Variants in CREB5 observed in about 807,000 individuals in gnomAD.
CREB5 encodes cyclic AMP-responsive element-binding protein 5.
In CREB5, 19 loss-of-function variants were observed where a neutral mutation model predicts 57.1. The ratio of observed to expected loss-of-function variants is 0.33; its 90% CI spans 0.23 to 0.49. CREB5 has a LOEUF of 0.49. CREB5 is among the 20% of genes least tolerant of loss of function. CREB5 has a pLI of 0.99. For missense variants in CREB5, 579 were observed against 671.6 expected (o/e 0.86, Z 1.52); for synonymous variants, 238 against 238.3 (o/e 1.00, Z 0.01).
At chr7:28,557,360 C>T (rs959457563) in intron 4 of CREB5, among the ~76,000 whole-genome samples, 6 of 151,910 alleles carry the variant, frequency 3.9e-5, no homozygotes, top group Non-Finnish European at 7.4e-5. Flanking sequence ...GGATTATATA[C>T]GAAAATGAAT....
intron 9 of CREB5, among the ~76,000 whole-genome samples, chr7:28,817,721 G>A (rs1343123634): frequency 6.6e-6 from 1 of 152,088 alleles, no homozygotes; most frequent in Non-Finnish European, 1.5e-5. Flanking sequence ...ATCTTATAAC[G>A]AGGTTGCTGG....
chr7:28,785,227 T>C (rs1807249867), intron 7 of CREB5, among the ~76,000 whole-genome samples: 1 of 152,212 alleles, frequency 6.6e-6, no homozygotes, highest in African/African-American at 2.4e-5. Context: ...TCACCGGGGT[T>C]GGGAAGCATC....
At chr7:28,647,105 G>A (rs910925794) in intron 5 of CREB5, among the ~76,000 whole-genome samples, 2 of 151,814 alleles carry the variant, frequency 1.3e-5, no homozygotes, top group East Asian at 2.0e-4. Context: ...ATTAGCCAGA[G>A]ACTGGAGGGA....
chr7:28,590,612 C>G (rs62449928), intron 5 of CREB5, among the ~76,000 whole-genome samples: 2 of 151,048 alleles, frequency 1.3e-5, no homozygotes, highest in South Asian at 4.2e-4. Context: ...CACGAACATG[C>G]CACATGTATA....
Position 28,818,076 on chromosome 7 carries a change from A to T in CREB5, c.1260A>T (p.Glu420Asp). The T allele has an allele frequency of 6.2e-7, 1 of 1,612,602 alleles. No individual in the cohort carries two copies. The highest frequency in any genetic ancestry group is 8.5e-7 in the Non-Finnish European group (1 of 1,178,952). The change falls in exon 10 of 11, where the codon GAA becomes GAT. Residue 420 changes from glutamate to aspartate, a missense_variant. By Grantham distance (45) the Glu-to-Asp change is conservative (BLOSUM62 2). Transcript: ENST00000357727. ...TTAATACATATCTCTTTTAGAATGA[A>T]GTGTCTATGTTGAAAAATGAGGTGG... ...LTQTNMQLQN[E>D]VSMLKNEVAQ... is the part of the protein sequence containing the mutation.
intron 1 of CREB5, among the ~76,000 whole-genome samples, chr7:28,439,770 T>C (rs1051229139): frequency 1.3e-5 from 2 of 152,204 alleles, no homozygotes; most frequent in Admixed American, 1.3e-4. Context: ...ACTTCAGTTC[T>C]TAGGATTCTC....
chr7:28,661,883 A>G (rs73081900), intron 5 of CREB5, among the ~76,000 whole-genome samples: 28,760 of 152,242 alleles, frequency 0.19, 3,382 homozygotes, highest in East Asian at 0.48. Flanking sequence ...ATAAATGACA[A>G]CTGCTTTTCC....
chr7:28,560,919 T>TGCGTGCGCGCGCGGGCGTGC (rs1562797827), intron 4 of CREB5, among the ~76,000 whole-genome samples: 1 of 42,990 alleles, frequency 2.3e-5, no homozygotes, highest in Non-Finnish European at 4.5e-5. Context: ...CGTGTGCGTG[T>TGCGTGCGCGCGCGGGCGTGC]GTGCGCGTGC....
chr7:28,460,923 A>G (rs1456842713), intron 1 of CREB5, among the ~76,000 whole-genome samples: 3 of 152,046 alleles, frequency 2.0e-5, no homozygotes, highest in Non-Finnish European at 4.4e-5. Context: ...GGGGGGGCAT[A>G]GTGGCTTGTG....
intron 5 of CREB5, among the ~76,000 whole-genome samples, chr7:28,605,964 C>T (rs996078750): frequency 1.3e-5 from 2 of 152,104 alleles, no homozygotes; most frequent in Non-Finnish European, 2.9e-5. Flanking sequence ...TGGGCGTATA[C>T]GTTTGCTAAA....
In CREB5 at chr7:28,686,584, G is replaced by A. The variant is rs919133233; in HGVS notation, c.465-32169G>A. Among the ~76,000 whole-genome samples the A allele has an allele frequency of 5.3e-5, 8 of 152,286 alleles. No individual in the cohort carries two copies. In the East Asian group the frequency reaches 5.8e-4, roughly 11 times the overall value. ...AACTCGGGCGAAGTTTCTTTGCTGC[G>A]GTGTCGCTCCTAATCGGAGGAGACA... On this transcript the variant is annotated intron_variant, in intron 5 of 10. Coordinates refer to ENST00000357727, the MANE Select transcript of CREB5 (RefSeq NM_182898.4).
chr7:28,485,341 A>G (rs924273903), intron 1 of CREB5, among the ~76,000 whole-genome samples: 1 of 152,190 alleles, frequency 6.6e-6, no homozygotes, highest in Non-Finnish European at 1.5e-5. Flanking sequence ...CTGTCACATC[A>G]TCTAATGTTA....
In CREB5 at chr7:28,658,953, G is replaced by GTATATATATATATA. The variant is rs72106956; in HGVS notation, c.465-59786_465-59773dup. Among the ~76,000 whole-genome samples, 142 of 99,478 alleles carry GTATATATATATATA rather than the reference G, an allele frequency of 1.4e-3. 4 individuals carry two copies. Among genetic ancestry groups the GTATATATATATATA allele is most frequent in the African/African-American group, 3.5e-3 (106 of 30,468 alleles). The allele number at this position is 99,478 out of a possible 152,430, so 65.3% of individuals were successfully genotyped here. ...CACTAAATATTATATGTGTGTGTGT[G>GTATATATATATATA]TATATATATATATATATATATATAT... On this transcript the variant is annotated intron_variant, in intron 5 of 10. Coordinates refer to ENST00000357727, the MANE Select transcript of CREB5 (RefSeq NM_182898.4).
At chr7:28,483,070 A>G (rs1350670331) in intron 1 of CREB5, among the ~76,000 whole-genome samples, 7 of 152,244 alleles carry the variant, frequency 4.6e-5, no homozygotes, top group Admixed American at 4.6e-4. Context: ...AGCAAACCAG[A>G]TGATGTCAAT....
intron 5 of CREB5, among the ~76,000 whole-genome samples, chr7:28,715,090 A>G (rs1201918081): frequency 6.6e-6 from 1 of 152,224 alleles, no homozygotes; most frequent in Non-Finnish European, 1.5e-5. Flanking sequence ...TTTCATGTGG[A>G]TGAGTGAATT....
chr7:28,625,928 G>A (rs946197250), intron 5 of CREB5, among the ~76,000 whole-genome samples: 2 of 152,178 alleles, frequency 1.3e-5, no homozygotes, highest in African/African-American at 4.8e-5. Context: ...TACTGTAAGA[G>A]TCTTTTAAAA....
chr7:28,470,544 T>C (rs1401476676), intron 1 of CREB5, among the ~76,000 whole-genome samples: 1 of 152,180 alleles, frequency 6.6e-6, no homozygotes, highest in African/African-American at 2.4e-5. Context: ...CACAAGAATG[T>C]GGATATCTCT....
At chr7:28,665,867 C>T (rs1010043370) in intron 5 of CREB5, among the ~76,000 whole-genome samples, 5 of 151,918 alleles carry the variant, frequency 3.3e-5, no homozygotes, top group African/African-American at 9.7e-5. Flanking sequence ...GGTTAACTTA[C>T]GCAAGTAGAA....
intron 5 of CREB5, among the ~76,000 whole-genome samples, chr7:28,605,669 G>C (rs1797102807): frequency 6.6e-6 from 1 of 152,138 alleles, no homozygotes; most frequent in Non-Finnish European, 1.5e-5. Context: ...CTCTGGTCTT[G>C]TTATCAGAGT....
Sources: allele counts gnomAD v4.1 joint callset (sites outside exome capture counted in the v4.1 genomes callset), GRCh38; gene constraint gnomAD v4.1.1; transcripts MANE v1.5; gene names NCBI Gene and HGNC (gene_info 2026-07-23, HGNC 2026-07-21).